The following TASOR2 variants were observed in gnomAD, a reference collection of about 807,000 sequenced individuals.
The protein encoded by TASOR2 is protein TASOR 2.
In TASOR2, 84 loss-of-function variants were observed where a neutral mutation model predicts 199.5. The observed-to-expected ratio is 0.42, with a 90% CI of 0.35 to 0.50. TASOR2 has a LOEUF of 0.50. TASOR2 is among the 20% of genes least tolerant of loss of function. The pLI, the probability that TASOR2 is intolerant of heterozygous loss-of-function variation, is 0.02. For synonymous variants in TASOR2, 1,103 were observed against 1,046.6 expected, an observed-to-expected ratio of 1.05 and a Z score of -1.04; for missense variants, 2,796 against 2,835.9, an observed-to-expected ratio of 0.99 and a Z score of 0.32.
Position 5,720,663 on chromosome 10 carries a change from A to G in TASOR2, c.21A>G (p.Lys7=), listed in dbSNP as rs1217387472. ...AAACTATGGCACCACCAGCTCATAAAAGCATGTAAGTAATTATGTGCATGC... is the reference window on the plus strand; with the variant it reads ...AAACTATGGCACCACCAGCTCATAAGAGCATGTAAGTAATTATGTGCATGC... Residue 7 remains lysine (K), a synonymous_variant, in exon 4 of 21, where the codon AAA becomes AAG. Coordinates refer to ENST00000328090, the Ensembl canonical transcript of TASOR2. The surrounding 1 kb of genome is among the most constrained non-coding windows in gnomAD (Gnocchi z 5.3). 3 of 1,614,096 alleles carry G rather than the reference A, an allele frequency of 1.9e-6. No homozygotes were observed. Among genetic ancestry groups the G allele is most frequent in the East Asian group, 4.5e-5 (2 of 44,868 alleles).
chr10:5,732,168 G>C (rs549744899), intron 11 of TASOR2, among the ~76,000 whole-genome samples: 1 of 152,356 alleles, frequency 6.6e-6, no homozygotes, highest in African/African-American at 2.4e-5. Flanking sequence ...GTATTTCAGT[G>C]AACATAGGAC....
At chr10:5,717,072 T>TA (rs1832758197) in intron 2 of TASOR2, among the ~76,000 whole-genome samples, 1 of 149,980 alleles carries the variant, frequency 6.7e-6, no homozygotes, top group Non-Finnish European at 1.5e-5. Flanking sequence ...GCTACAATCT[T>TA]ACGATTTCAT....
Position 5,689,993 on chromosome 10 carries a change from A to G in TASOR2, c.-288+4818A>G, listed in dbSNP as rs1836245166. Among the ~76,000 whole-genome samples the G allele has an allele frequency of 1.3e-5, 2 of 152,128 alleles. No homozygotes were observed. Among genetic ancestry groups the G allele is most frequent in the African/African-American group, 2.4e-5 (1 of 41,442 alleles). ...TTAAATGTTTCTTCCATTTAGACCAATGTTGGTAAATTATATTTTTATAGT... is the reference window on the plus strand; with the variant it reads ...TTAAATGTTTCTTCCATTTAGACCAGTGTTGGTAAATTATATTTTTATAGT... On this transcript the variant is annotated intron_variant, in intron 1 of 20. Coordinates refer to ENST00000328090, the Ensembl canonical transcript of TASOR2. The surrounding 1 kb of genome is among the most constrained non-coding windows in gnomAD (Gnocchi z 4.1).
chr10:5,712,011 A>G (rs1831984839), intron 1 of TASOR2, among the ~76,000 whole-genome samples: 3 of 152,020 alleles, frequency 2.0e-5, no homozygotes, highest in Admixed American at 2.0e-4. Flanking sequence ...AAAAAAAAGA[A>G]TAGAAACAAA....
At chr10:5,749,497 G>A in exon 15 of TASOR2, 1 of 1,613,998 alleles carries the variant, frequency 6.2e-7, no homozygotes, top group South Asian at 1.1e-5. Flanking sequence ...AATCTCTGAG[G>A]CCCCATTTCT....
chr10:5,728,673 G>A (rs1480532718), intron 10 of TASOR2, among the ~76,000 whole-genome samples: 2 of 151,818 alleles, frequency 1.3e-5, no homozygotes, highest in African/African-American at 4.8e-5. Context: ...TGCTTTCCTA[G>A]GCATCACATC....
exon 1 of TASOR2, chr10:5,684,842 C>A (rs1395127283): frequency 1.0e-5 from 4 of 384,622 alleles, no homozygotes; most frequent in Non-Finnish European, 1.8e-5. Context: ...GGTTTTGCTT[C>A]CGGTTGCTAG....
At chr10:5,757,783 T>TAGGGGGCAACTGA in intron 17 of TASOR2, 110 bp downstream of exon 18, 2 of 1,211,226 alleles carry the variant, frequency 1.7e-6, no homozygotes, top group African/African-American at 1.5e-5. Flanking sequence ...GGAATATCAG[T>TAGGGGGCAACTGA]TGCCCCCTAC....
intron 1 of TASOR2, among the ~76,000 whole-genome samples, chr10:5,711,495 C>T (rs1028983954): frequency 8.5e-5 from 13 of 152,102 alleles, no homozygotes; most frequent in African/African-American, 3.1e-4. Context: ...TTGTAAAACC[C>T]CCCAACCTTA....
Position 5,748,894 on chromosome 10 carries a change from G to A in TASOR2, c.5473G>A (p.Glu1825Lys). 1 of 1,614,156 alleles carries A rather than the reference G, an allele frequency of 6.2e-7. No individual in the cohort carries two copies. The highest frequency in any genetic ancestry group is 2.2e-5 in the East Asian group (1 of 44,876). ...CGGTGTGAATTCCGACATGCACTAT[G>A]AACTCTCTGGAGATTCTGATCTAGA... The change falls in exon 15 of 21, where the codon GAA becomes AAA. Residue 1825 changes from glutamate (E) to lysine (K), a missense_variant. Glu to Lys is a moderately conservative substitution (Grantham distance 56, BLOSUM62 1). Coordinates refer to ENST00000328090, the Ensembl canonical transcript of TASOR2. This position sits in a 1 kb window ranked among gnomAD's most constrained non-coding sequence, Gnocchi z 5.1.
intron 20 of TASOR2, 31 bp from the exon 22 acceptor site, chr10:5,762,997 AG>A: frequency 6.2e-7 from 1 of 1,605,698 alleles, no homozygotes; most frequent in Non-Finnish European, 8.5e-7. Context: ...TATTATTTTA[AG>A]AAGTTCTTTA....
intron 2 of TASOR2, among the ~76,000 whole-genome samples, chr10:5,713,554 C>G (rs1270905855): frequency 6.6e-6 from 1 of 151,938 alleles, no homozygotes; most frequent in Admixed American, 6.6e-5. Context: ...ATTTGTTTAG[C>G]GGATAATTAG....
chr10:5,762,942 G>C, intron 20 of TASOR2, 87 bp from the exon 22 acceptor site: 1 of 1,297,482 alleles, frequency 7.7e-7, no homozygotes, highest in Non-Finnish European at 1.1e-6. Context: ...ATGCATAGGC[G>C]TTTTCCCCAT....
intron 1 of TASOR2, among the ~76,000 whole-genome samples, chr10:5,709,977 T>C (rs1156944577): frequency 6.6e-6 from 1 of 152,158 alleles, no homozygotes; most frequent in African/African-American, 2.4e-5. Context: ...AGTTTTACCG[T>C]CTTAGATTTT....
At chr10:5,704,853 G>A (rs1001793819) in intron 1 of TASOR2, among the ~76,000 whole-genome samples, 4 of 152,100 alleles carry the variant, frequency 2.6e-5, no homozygotes, top group African/African-American at 9.7e-5. Context: ...CAAACATGAG[G>A]CTTTTGAGAT....
Position 5,720,022 on chromosome 10 carries a change from A to T in TASOR2, c.-99-522A>T, listed in dbSNP as rs1833157275. Among the ~76,000 whole-genome samples the T allele has an allele frequency of 6.6e-6, 1 of 152,164 alleles. No homozygotes were observed. The highest frequency in any genetic ancestry group is 2.1e-4 in the South Asian group (1 of 4,828). On this transcript the variant is annotated intron_variant, in intron 3 of 20. Transcript: ENST00000328090. The surrounding 1 kb of genome is among the most constrained non-coding windows in gnomAD (Gnocchi z 5.3). ...TTTGATATTGTGATAAAAACTATGG[A>T]TATTTGTCTCAGACGCCCAAATGTC...
chr10:5,725,949 C>T (rs1834005456), intron 8 of TASOR2, among the ~76,000 whole-genome samples: 1 of 152,146 alleles, frequency 6.6e-6, no homozygotes, highest in Non-Finnish European at 1.5e-5. Context: ...ATATTAGTGT[C>T]ATACCTTAAT....
chr10:5,697,886 T>A (rs567377300), intron 1 of TASOR2, among the ~76,000 whole-genome samples: 2 of 152,350 alleles, frequency 1.3e-5, no homozygotes, highest in South Asian at 4.1e-4. Flanking sequence ...TTATGTTTTA[T>A]GTTGGTTTTT....
At chr10:5,729,800 A>G (rs1834547573) in intron 10 of TASOR2, among the ~76,000 whole-genome samples, 1 of 152,154 alleles carries the variant, frequency 6.6e-6, no homozygotes, top group Non-Finnish European at 1.5e-5. Flanking sequence ...TACCCAGTTC[A>G]TAGGGACCAG....
Sources: gnomAD v4.1 joint callset for allele counts (sites outside exome capture counted in the v4.1 genomes callset) on GRCh38, gnomAD v4.1.1 for gene constraint, Gnocchi (gnomAD v3.1) non-coding constraint, MANE v1.5 for transcripts, NCBI Gene and HGNC (gene_info 2026-07-23, HGNC 2026-07-21) for gene names.